SEC14L2: variants seen among roughly 807,000 people sequenced by gnomAD.
SEC14L2 encodes the protein SEC14 like lipid binding 2.
In SEC14L2, 50 loss-of-function variants were observed where a neutral mutation model predicts 56.9. That is an observed-to-expected ratio of 0.88 (90% CI 0.70 to 1.11). The LOEUF (loss-of-function observed/expected upper bound fraction) is 1.11, where lower values mean the gene tolerates loss of function less well. Among genes scored for constraint, SEC14L2 ranks in the 50% most tolerant of loss-of-function variants. SEC14L2 has a pLI of 0.00. For synonymous variants in SEC14L2, 179 were observed against 188.5 expected (o/e 0.95, Z 0.41); for missense variants, 414 against 500.7 (o/e 0.83, Z 1.65).
chr22:30,417,736 G>A (rs868106057), intron 11 of SEC14L2, among the ~76,000 whole-genome samples: 19 of 152,292 alleles, frequency 1.2e-4, no homozygotes, highest in African/African-American at 4.3e-4. Flanking sequence ...GATGGGAGAA[G>A]CCCTGTGCCC....
intron 11 of SEC14L2, 40 bp from the exon 12 acceptor site, chr22:30,422,237 G>GA: frequency 6.2e-7 from 1 of 1,611,726 alleles, no homozygotes; most frequent in East Asian, 2.2e-5. Flanking sequence ...CCCTTTGCCA[G>GA]AACTGCCTGA....
At chr22:30,405,564 G>A (rs1189674037) in intron 2 of SEC14L2, among the ~76,000 whole-genome samples, 2 of 152,178 alleles carry the variant, frequency 1.3e-5, no homozygotes, top group African/African-American at 4.8e-5. Context: ...TTTAGGGAAT[G>A]TGTGGGCCCT....
chr22:30,400,004 T>C (rs922141994), intron 2 of SEC14L2, among the ~76,000 whole-genome samples: 2 of 152,242 alleles, frequency 1.3e-5, no homozygotes, highest in East Asian at 3.8e-4. Context: ...CTTTTCCATC[T>C]ACTCAAGAAA....
chr22:30,404,379 A>G (rs4820846), intron 2 of SEC14L2, among the ~76,000 whole-genome samples: 113,303 of 152,050 alleles, frequency 0.75, 42,410 homozygotes, highest in South Asian at 0.88. Context: ...CTATGGGCCC[A>G]GGAGAAGGGA....
intron 8 of SEC14L2, among the ~76,000 whole-genome samples, chr22:30,411,073 G>A (rs1934234552): frequency 1.3e-5 from 2 of 152,068 alleles, no homozygotes; most frequent in Admixed American, 6.5e-5. Context: ...GACCAGCCTG[G>A]GCAACAAAGC....
At chr22:30,418,331 G>A (rs1206291576) in intron 11 of SEC14L2, among the ~76,000 whole-genome samples, 1 of 152,140 alleles carries the variant, frequency 6.6e-6, no homozygotes, top group Non-Finnish European at 1.5e-5. Flanking sequence ...CTAGAGTCCT[G>A]ATCCAGAACC....
chr22:30,397,030 G>C lies in SEC14L2; in HGVS notation c.-87G>C. 8.1e-7 allele frequency: 1 copy of C among 1,237,906 alleles called. No individual in the cohort carries two copies. The highest frequency in any genetic ancestry group is 1.1e-6 in the Non-Finnish European group (1 of 870,226). The allele number at this position is 1,237,906 out of a possible 1,614,324, so 76.7% of individuals were successfully genotyped here. On this transcript the variant is annotated 5_prime_UTR_variant, in exon 1 of 12. Coordinates refer to ENST00000615189, the MANE Select transcript of SEC14L2 (RefSeq NM_012429.5). ...GGCAAAAGGCTGGGACTTTACTCCG[G>C]GTGGCGGCGAGGACGAGTCTGTGCT...
In SEC14L2 at chr22:30,407,774, G is replaced by A. The variant is rs558503033; in HGVS notation, c.423+171G>A. Among the ~76,000 whole-genome samples, 67 of 148,838 alleles carry A rather than the reference G, an allele frequency of 4.5e-4. No homozygotes were observed. In the South Asian group the frequency reaches 0.01, roughly 23 times the overall value. Reference sequence around the variant, plus strand: ...AGTAGAGACGGGGTTTCATCATGTTGGCCAGGCTGGTCTTGAACTCCTGAC... The same window carrying A: ...AGTAGAGACGGGGTTTCATCATGTTAGCCAGGCTGGTCTTGAACTCCTGAC... On this transcript the variant is annotated intron_variant, in intron 5 of 11. Transcript: ENST00000615189.
chr22:30,402,148 G>A (rs1933956214), intron 2 of SEC14L2, among the ~76,000 whole-genome samples: 1 of 152,134 alleles, frequency 6.6e-6, no homozygotes, highest in South Asian at 2.1e-4. Flanking sequence ...GGGGTAGTGT[G>A]GGGGCGGCAG....
At chr22:30,398,752 C>T in intron 1 of SEC14L2, 1 of 471,316 alleles carries the variant, frequency 2.1e-6, no homozygotes, top group South Asian at 1.5e-5. Flanking sequence ...CAGCAAACTC[C>T]TCATCCTTCC....
chr22:30,416,233 G>A lies in SEC14L2; in HGVS notation c.912-1G>A. 6.2e-7 allele frequency: 1 copy of A among 1,613,874 alleles called. No homozygotes were observed. On this transcript the variant is annotated splice_acceptor_variant, in intron 10 of 11. Transcript: ENST00000615189. LOFTEE classifies it high-confidence loss of function. The stretch of plus-strand genomic sequence containing the variant: ...GTCTCAATTGGTGATATCCCCTGCA[G>A]GTGGCAGTTTATGTCAGATGGAGCG...
chr22:30,416,524 G>T, intron 11 of SEC14L2, 121 bp downstream of exon 11: 8 of 1,568,708 alleles, frequency 5.1e-6, no homozygotes, highest in Non-Finnish European at 4.3e-6. Context: ...AATGCCATCA[G>T]TTCAATCCTC....
rs1321551444 is a variant in SEC14L2 at position 30,422,763 on chromosome 22, A to G, written c.*356A>G. ...AAAGGGTGAAAGATTGGGACTTAAC[A>G]CTTCAGGGAAGTCAGCTGCCGGGGA... On this transcript the variant is annotated 3_prime_UTR_variant, in exon 12 of 12. Transcript: ENST00000615189. The G allele has an allele frequency of 5.4e-6, 1 of 185,502 alleles. No homozygotes were observed. The allele number at this position is 185,502 out of a possible 1,614,324, so 11.5% of individuals were successfully genotyped here.
At chr22:30,419,875 T>C (rs891415890) in intron 11 of SEC14L2, among the ~76,000 whole-genome samples, 13 of 152,278 alleles carry the variant, frequency 8.5e-5, no homozygotes, top group African/African-American at 2.6e-4. Flanking sequence ...ACCTTTCCCA[T>C]TGGGAACCAT....
chr22:30,406,359 C>T lies in SEC14L2; in HGVS notation c.148C>T (p.Gln50Ter). The change falls in exon 3 of 12, where the codon CAG (glutamine) becomes TAG (stop). Residue 50 changes from glutamine (Q) to a stop codon, truncating the protein, a stop_gained. Transcript: ENST00000615189. LOFTEE classifies it high-confidence loss of function. ...RWLRARSFDLQKSEAMLRKHV... is the reference protein window; with the variant it reads ...RWLRARSFDL ...TGTTACAGCCAGAAGCTTCGACCTG[C>T]AGAAGTCGGAGGCCATGCTCCGGAA... 6.2e-7 allele frequency: 1 copy of T among 1,614,108 alleles called. No homozygotes were observed. Among genetic ancestry groups the T allele is most frequent in the Non-Finnish European group, 8.5e-7 (1 of 1,179,968 alleles).
chr22:30,425,008 T>C lies in SEC14L2; in HGVS notation c.*2601T>C. On this transcript the variant is annotated 3_prime_UTR_variant, in exon 12 of 12. Coordinates refer to ENST00000615189, the MANE Select transcript of SEC14L2 (RefSeq NM_012429.5). ...TACATGGCGACTGCTGAGAAGGGAC[T>C]CCAGAGTCCAGGCACCTACCTCCCA... 1 of 364,420 alleles carries C rather than the reference T, an allele frequency of 2.7e-6. No homozygotes were observed. Among genetic ancestry groups the C allele is most frequent in the Non-Finnish European group, 5.4e-6 (1 of 183,854 alleles). The allele number at this position is 364,420 out of a possible 1,614,324, so 22.6% of individuals were successfully genotyped here.
intron 11 of SEC14L2, 59 bp downstream of exon 11, chr22:30,416,462 G>A (rs115274567): frequency 5.6e-6 from 9 of 1,613,634 alleles, no homozygotes; most frequent in African/African-American, 1.3e-5. Flanking sequence ...CTGCCTGTGA[G>A]GTTCCTCTTC....
chr22:30,410,914 G>A (rs781184694), intron 8 of SEC14L2, among the ~76,000 whole-genome samples: 17 of 152,192 alleles, frequency 1.1e-4, no homozygotes, highest in Non-Finnish European at 2.1e-4. Context: ...ATTCAAAGAT[G>A]AATGAGACTC....
At chr22:30,419,369 T>C (rs1159619096) in intron 11 of SEC14L2, among the ~76,000 whole-genome samples, 3 of 152,200 alleles carry the variant, frequency 2.0e-5, no homozygotes, top group Non-Finnish European at 4.4e-5. Flanking sequence ...CTGGCCAACA[T>C]GGCAAAACCC....
Sources: gnomAD v4.1 joint callset for allele counts (sites outside exome capture counted in the v4.1 genomes callset) on GRCh38, gnomAD v4.1.1 for gene constraint, MANE v1.5 for transcripts, NCBI Gene and HGNC (gene_info 2026-07-23, HGNC 2026-07-21) for gene names.